Variants in COPG2 observed in about 807,000 individuals in gnomAD.
COPG2 encodes coatomer subunit gamma-2.
In COPG2, 37 loss-of-function variants were observed where a neutral mutation model predicts 46.3. The observed-to-expected ratio is 0.80, with a 90% CI of 0.61 to 1.05. COPG2 has a LOEUF of 1.05. COPG2 is among the 50% of genes least tolerant of loss of function. The pLI, the probability that COPG2 is intolerant of heterozygous loss-of-function variation, is 0.00. For synonymous variants in COPG2, 159 were observed against 129.7 expected (o/e 1.23, Z -1.53); for missense variants, 427 against 387.8 (o/e 1.10, Z -0.85).
At chr7:130,657,935 A>G (rs782593451) in intron 4 of COPG2, among the ~76,000 whole-genome samples, 47 of 152,334 alleles carry the variant, frequency 3.1e-4, no homozygotes, top group Non-Finnish European at 5.9e-4. Context: ...CTGCTCTCAT[A>G]CAGTGATGGC....
chr7:130,594,688 T>TGG (rs1794493394), intron 9 of COPG2, among the ~76,000 whole-genome samples: 1 of 152,170 alleles, frequency 6.6e-6, no homozygotes, highest in African/African-American at 2.4e-5. Context: ...ATTTTTTAAA[T>TGG]GGGCAAAGAT....
At chr7:130,577,694 G>A (rs1554446462) in intron 9 of COPG2, among the ~76,000 whole-genome samples, 2 of 150,226 alleles carry the variant, frequency 1.3e-5, no homozygotes, top group African/African-American at 4.9e-5. Context: ...CCGGGAAGCG[G>A]AGCTTGCAGT....
chr7:130,544,782 T>C (rs1793406256), intron 20 of COPG2, among the ~76,000 whole-genome samples: 1 of 152,138 alleles, frequency 6.6e-6, no homozygotes, highest in African/African-American at 2.4e-5. Flanking sequence ...CTAAAACTTT[T>C]TAGGTAAAGG....
intron 20 of COPG2, among the ~76,000 whole-genome samples, chr7:130,529,089 A>G: frequency 6.6e-6 from 1 of 152,316 alleles, no homozygotes; most frequent in Middle Eastern, 3.4e-3. Context: ...ACAGGAAACA[A>G]TTGTCTCCAG....
At chr7:130,585,983 AAAG>A (rs1331828829) in intron 9 of COPG2, among the ~76,000 whole-genome samples, 1 of 152,098 alleles carries the variant, frequency 6.6e-6, no homozygotes, top group African/African-American at 2.4e-5. Flanking sequence ...TACTCGAGGA[AAAG>A]AAGTCATTAT....
intron 17 of COPG2, 113 bp downstream of exon 17, chr7:130,550,411 C>CAAAAAA (rs1158918044): frequency 0.039 from 4,067 of 104,334 alleles, 450 homozygotes; most frequent in African/African-American, 0.16. Context: ...GACTCTATCT[C>CAAAAAA]AAAAAAAAAA....
At chr7:130,585,996 T>C (rs1794260302) in intron 9 of COPG2, among the ~76,000 whole-genome samples, 1 of 152,076 alleles carries the variant, frequency 6.6e-6, no homozygotes, top group Non-Finnish European at 1.5e-5. Context: ...GAAGTCATTA[T>C]ATAAAAAAGA....
At chr7:130,545,769 C>T (rs1793432541) in intron 20 of COPG2, among the ~76,000 whole-genome samples, 9 of 152,148 alleles carry the variant, frequency 5.9e-5, no homozygotes. Context: ...ATGTTGAAAT[C>T]TCTGGGCTAA....
intron 1 of COPG2, 121 bp from the exon 2 acceptor site, chr7:130,667,655 A>G (rs1383246656): frequency 5.7e-6 from 4 of 696,610 alleles, no homozygotes; most frequent in Non-Finnish European, 9.8e-6. Context: ...AGTGATAATC[A>G]TGGCTAATAC....
At chr7:130,653,349 G>A (rs1795786603) in intron 4 of COPG2, among the ~76,000 whole-genome samples, 3 of 152,174 alleles carry the variant, frequency 2.0e-5, no homozygotes, top group Admixed American at 2.0e-4. Flanking sequence ...CGCCTCCGGG[G>A]TTCAAGCAAT....
At chr7:130,596,752 T>A (rs1554449755) in intron 9 of COPG2, among the ~76,000 whole-genome samples, 1 of 152,178 alleles carries the variant, frequency 6.6e-6, no homozygotes, top group Non-Finnish European at 1.5e-5. Flanking sequence ...GCCCAGAGCA[T>A]CCACAGCCAC....
At chr7:130,527,560 AG>A (rs1420554151) in intron 20 of COPG2, among the ~76,000 whole-genome samples, 3 of 151,982 alleles carry the variant, frequency 2.0e-5, no homozygotes, top group African/African-American at 7.2e-5. Flanking sequence ...AGAAAAAGTA[AG>A]GGGAAAAAAA....
chr7:130,610,675 T>C (rs1794828229), intron 9 of COPG2: 1 of 582,092 alleles, frequency 1.7e-6, no homozygotes, highest in South Asian at 1.6e-5. Flanking sequence ...CCAACTTTCA[T>C]ATTTAATTAT....
intron 5 of COPG2, among the ~76,000 whole-genome samples, chr7:130,625,597 AC>A (rs1279986415): frequency 2.0e-5 from 3 of 151,616 alleles, no homozygotes; most frequent in Non-Finnish European, 4.4e-5. Flanking sequence ...TTCAAAGACT[AC>A]AAATTTGTCT....
At chr7:130,585,315 C>G (rs1344454571) in intron 9 of COPG2, among the ~76,000 whole-genome samples, 1 of 152,010 alleles carries the variant, frequency 6.6e-6, no homozygotes, top group Non-Finnish European at 1.5e-5. Flanking sequence ...CAAAAATCAA[C>G]TCAAGAAGGA....
chr7:130,560,548 C>T (rs1793702169), intron 12 of COPG2, among the ~76,000 whole-genome samples: 1 of 152,000 alleles, frequency 6.6e-6, no homozygotes, highest in Non-Finnish European at 1.5e-5. Context: ...GTTGGAAGAC[C>T]GCACTACTTA....
chr7:130,521,099 T>C (rs1584962173), intron 20 of COPG2, among the ~76,000 whole-genome samples: 1 of 152,188 alleles, frequency 6.6e-6, no homozygotes, highest in South Asian at 2.1e-4. Context: ...ATGTAAGTGT[T>C]TGCCACCAAA....
intron 9 of COPG2, among the ~76,000 whole-genome samples, chr7:130,588,440 T>C (rs1323549725): frequency 6.6e-6 from 1 of 151,900 alleles, no homozygotes; most frequent in Non-Finnish European, 1.5e-5. Flanking sequence ...ATGTGGCCCA[T>C]ATACACCATG....
chr7:130,560,694 A>G (rs1349494872), intron 12 of COPG2, among the ~76,000 whole-genome samples: 1 of 152,224 alleles, frequency 6.6e-6, no homozygotes, highest in East Asian at 1.9e-4. Flanking sequence ...CAAAGGTGCC[A>G]AAGCACTCCA....
Sources: allele counts gnomAD v4.1 joint callset (sites outside exome capture counted in the v4.1 genomes callset), GRCh38; gene constraint gnomAD v4.1.1; transcripts MANE v1.5; gene names NCBI Gene and HGNC (gene_info 2026-07-23, HGNC 2026-07-21).